OPCML: variants seen among roughly 807,000 people sequenced by gnomAD.
OPCML encodes opioid-binding protein/cell adhesion molecule.
Under a neutral mutation model 37.8 loss-of-function variants are expected in OPCML, and 13 were observed. The observed-to-expected ratio is 0.34, with a 90% CI of 0.22 to 0.55. The LOEUF (loss-of-function observed/expected upper bound fraction) is 0.55, where lower values mean the gene tolerates loss of function less well. Ranked by LOEUF, OPCML falls within the 20% of genes least tolerant of loss-of-function variation. The pLI, the probability that OPCML is intolerant of heterozygous loss-of-function variation, is 0.91. For missense variants in OPCML, 341 were observed against 435.6 expected (o/e 0.78, Z 1.93); for synonymous variants, 176 against 168.8 (o/e 1.04, Z -0.33).
intron 3 of OPCML, among the ~76,000 whole-genome samples, chr11:132,557,942 A>G (rs932349061): frequency 1.3e-5 from 2 of 152,154 alleles, no homozygotes; most frequent in African/African-American, 4.8e-5. Context: ...TTTTGAAAAA[A>G]CAATGTCTTC....
At chr11:132,565,168 C>T (rs1391785243) in intron 3 of OPCML, among the ~76,000 whole-genome samples, 1 of 152,166 alleles carries the variant, frequency 6.6e-6, no homozygotes, top group Non-Finnish European at 1.5e-5. Flanking sequence ...ATGTTCCTGC[C>T]TCTGGGAACC....
At chr11:133,050,582 G>A (rs1173647975) in intron 1 of OPCML, among the ~76,000 whole-genome samples, 1 of 152,086 alleles carries the variant, frequency 6.6e-6, no homozygotes, top group Non-Finnish European at 1.5e-5. Flanking sequence ...ACTTGCTTTG[G>A]AGTCCTAATT....
chr11:132,716,476 C>T (rs946727575), intron 2 of OPCML, among the ~76,000 whole-genome samples: 2 of 151,986 alleles, frequency 1.3e-5, no homozygotes, highest in Non-Finnish European at 2.9e-5. Flanking sequence ...TACCATCTGT[C>T]TATCTAATCT....
intron 1 of OPCML, among the ~76,000 whole-genome samples, chr11:133,058,474 C>A (rs560781207): frequency 1.8e-4 from 28 of 152,234 alleles, no homozygotes; most frequent in African/African-American, 6.5e-4. Context: ...ATAAATGGGG[C>A]GGGCAGGTGT....
chr11:132,505,888 C>T (rs939788957), intron 4 of OPCML, among the ~76,000 whole-genome samples: 9 of 136,138 alleles, frequency 6.6e-5, no homozygotes, highest in Admixed American at 3.7e-4. Flanking sequence ...CCACTTTCTG[C>T]GAAAAAAAAA....
chr11:132,988,145 G>C (rs1039983004), intron 1 of OPCML, among the ~76,000 whole-genome samples: 3 of 152,064 alleles, frequency 2.0e-5, no homozygotes, highest in Non-Finnish European at 4.4e-5. Context: ...GACAGAAAAG[G>C]AACAAGATCA....
chr11:133,020,895 G>C (rs1415554280), intron 1 of OPCML, among the ~76,000 whole-genome samples: 1 of 152,038 alleles, frequency 6.6e-6, no homozygotes, highest in East Asian at 1.9e-4. Context: ...AGTGACCTTG[G>C]CAAAGAATGG....
At chr11:132,860,784 C>A (rs1253348945) in intron 2 of OPCML, 1 of 152,188 alleles carries the variant, frequency 6.6e-6, no homozygotes, top group Non-Finnish European at 1.5e-5. Context: ...TGTTTAACTA[C>A]CACCACCCCA....
chr11:133,188,399 G>A (rs1470209872), intron 1 of OPCML, among the ~76,000 whole-genome samples: 2 of 152,098 alleles, frequency 1.3e-5, no homozygotes, highest in Non-Finnish European at 2.9e-5. Context: ...GGAAGAGTGG[G>A]GAAAACGATT....
At chr11:133,405,538 C>T (rs963668870) in intron 1 of OPCML, among the ~76,000 whole-genome samples, 2 of 152,180 alleles carry the variant, frequency 1.3e-5, no homozygotes, top group African/African-American at 2.4e-5. Flanking sequence ...AGGATACCCT[C>T]GGATAGAAGA....
chr11:132,504,032 A>T (rs2096251173), intron 4 of OPCML, among the ~76,000 whole-genome samples: 1 of 152,220 alleles, frequency 6.6e-6, no homozygotes, highest in African/African-American at 2.4e-5. Context: ...TAGAAGACCC[A>T]AATGCATCTC....
chr11:133,254,745 C>A (rs967502899), intron 1 of OPCML, among the ~76,000 whole-genome samples: 1 of 152,146 alleles, frequency 6.6e-6, no homozygotes, highest in East Asian at 1.9e-4. Flanking sequence ...TGTCTGGGAA[C>A]AGCTGGAGAG....
At chr11:132,485,037 G>T (rs1397615563) in intron 4 of OPCML, among the ~76,000 whole-genome samples, 1 of 152,010 alleles carries the variant, frequency 6.6e-6, no homozygotes, top group Non-Finnish European at 1.5e-5. Flanking sequence ...CCTGCACATT[G>T]TGCACATGTA....
In OPCML at chr11:133,191,504, G is replaced by GTGTGT. The variant is rs1565494837; in HGVS notation, c.62-248495_62-248494insACACA. Among the ~76,000 whole-genome samples, 672 of 142,456 alleles carry GTGTGT rather than the reference G, an allele frequency of 4.7e-3. 2 individuals carry two copies. The highest frequency in any genetic ancestry group is 6.5e-3 in the African/African-American group (251 of 38,358). 93.5% of individuals were successfully genotyped at this position (142,456 alleles called of 152,430 possible). A position where few individuals can be genotyped will look rare whatever the true frequency, so the allele number is the denominator to read the frequency against. On this transcript the variant is annotated intron_variant, in intron 1 of 7. Transcript: ENST00000524381. ...TATCTTTTTCTTTTCTGTGTGTGTG[G>GTGTGT]GTGTGTGTGTGTGTGTGTGTGTGTG...
chr11:133,108,011 G>A (rs1190224778), intron 1 of OPCML, among the ~76,000 whole-genome samples: 2 of 152,078 alleles, frequency 1.3e-5, no homozygotes, highest in Non-Finnish European at 2.9e-5. Context: ...ACACAACCCC[G>A]CATGCTCATC....
At chr11:132,893,348 T>G (rs1326436129) in intron 2 of OPCML, among the ~76,000 whole-genome samples, 1 of 152,220 alleles carries the variant, frequency 6.6e-6, no homozygotes. Context: ...CGCTTGACCA[T>G]GGCTGTGAGA....
chr11:132,677,631 A>G (rs557534921), intron 2 of OPCML, among the ~76,000 whole-genome samples: 70 of 152,306 alleles, frequency 4.6e-4, no homozygotes, highest in South Asian at 1.2e-3. Flanking sequence ...GATCTTTTAC[A>G]AAGGAGCAAA....
At chr11:133,242,018 A>C (rs1490149648) in intron 1 of OPCML, among the ~76,000 whole-genome samples, 1 of 152,208 alleles carries the variant, frequency 6.6e-6, no homozygotes, top group Non-Finnish European at 1.5e-5. Flanking sequence ...GCACACTTAG[A>C]ATCAATCATT....
At chr11:133,054,930 T>C (rs1434516337) in intron 1 of OPCML, among the ~76,000 whole-genome samples, 2 of 150,680 alleles carry the variant, frequency 1.3e-5, no homozygotes, top group Non-Finnish European at 2.9e-5. Context: ...CATATAATGC[T>C]GCCTCCATGA....
Sources: allele counts gnomAD v4.1 joint callset (sites outside exome capture counted in the v4.1 genomes callset), GRCh38; gene constraint gnomAD v4.1.1; transcripts MANE v1.5; gene names NCBI Gene and HGNC (gene_info 2026-07-23, HGNC 2026-07-21).